PATZ1: variants seen among roughly 807,000 people sequenced by gnomAD.
The protein encoded by PATZ1 is POZ-, AT hook-, and zinc finger-containing protein 1.
PATZ1 carries 9 observed loss-of-function variants against 46.2 expected under a neutral mutation model. The observed-to-expected ratio is 0.19, with a 90% CI of 0.12 to 0.34. PATZ1 has a LOEUF of 0.34. PATZ1 is among the 10% of genes least tolerant of loss of function. The pLI, the probability that PATZ1 is intolerant of heterozygous loss-of-function variation, is 1.00. For synonymous variants in PATZ1, 426 were observed against 378.6 expected (o/e 1.13, Z -1.45); for missense variants, 632 against 923.0 (o/e 0.68, Z 4.08).
At position 31,325,837 on chromosome 22, in the gene PATZ1, G is replaced by A. The variant is rs1250036033; in HGVS notation, c.*1054C>T. ...TGTACTAACATTTTTAATACAGTCT[G>A]ATCAGATCAATTCACATCACAAGGT... On this transcript the variant is annotated 3_prime_UTR_variant, in exon 5 of 5. Transcript: ENST00000266269. The A allele has an allele frequency of 1.0e-5, 2 of 194,870 alleles. No homozygotes were observed. Among genetic ancestry groups the A allele is most frequent in the East Asian group, 1.6e-4 (2 of 12,450 alleles). 12.1% of individuals were successfully genotyped at this position (194,870 alleles called of 1,614,324 possible). A position where few individuals can be genotyped will look rare whatever the true frequency, so the allele number is the denominator to read the frequency against.
intron 3 of PATZ1, among the ~76,000 whole-genome samples, chr22:31,334,772 T>A (rs773398681): frequency 6.6e-6 from 1 of 152,130 alleles, no homozygotes; most frequent in African/African-American, 2.4e-5. Context: ...AGGCTGGGAC[T>A]AAACCCTGGG....
At chr22:31,338,819 C>T (rs1451459808) in intron 2 of PATZ1, among the ~76,000 whole-genome samples, 1 of 152,114 alleles carries the variant, frequency 6.6e-6, no homozygotes, top group Non-Finnish European at 1.5e-5. Flanking sequence ...GAGGCCGAGG[C>T]GGGTGGATCA....
intron 1 of PATZ1, chr22:31,343,213 C>T (rs2049605318): frequency 8.0e-7 from 1 of 1,244,952 alleles, no homozygotes; most frequent in Non-Finnish European, 1.0e-6. Context: ...CCCACTCCCT[C>T]AATTCTCCCC....
At position 31,327,496 on chromosome 22, in the gene PATZ1, G is replaced by A. The variant is rs142607510; in HGVS notation, c.1646-187C>T. On this transcript the variant is annotated intron_variant, in intron 4 of 4. Coordinates refer to ENST00000266269, the MANE Select transcript of PATZ1 (RefSeq NM_014323.3). The surrounding 1 kb of genome is among the most constrained non-coding windows in gnomAD (Gnocchi z 4.2). ...CCTGGAGTGCCTACAGGGGTGAAAC[G>A]GCAGGGCCCTAGGGCTGCCAGCCTC... Among the ~76,000 whole-genome samples the A allele has an allele frequency of 4.2e-3, 639 of 152,126 alleles. 5 individuals carry two copies. Among genetic ancestry groups the A allele is most frequent in the African/African-American group, 0.014 (595 of 41,502 alleles).
intron 1 of PATZ1, 121 bp downstream of exon 1, chr22:31,344,211 C>G (rs1035447267): frequency 1.1e-6 from 1 of 887,584 alleles, no homozygotes. Context: ...TCTACCCAAA[C>G]CTGGCATGGT....
At chr22:31,344,192 TAA>T in intron 1 of PATZ1, 138 bp downstream of exon 1, 1 of 783,346 alleles carries the variant, frequency 1.3e-6, no homozygotes, top group Non-Finnish European at 2.0e-6. Context: ...TAAGGGCCCT[TAA>T]AAACACTCTA....
intron 2 of PATZ1, among the ~76,000 whole-genome samples, chr22:31,338,825 G>T (rs919551802): frequency 1.3e-5 from 2 of 152,156 alleles, no homozygotes; most frequent in African/African-American, 4.8e-5. Context: ...GAGGCGGGTG[G>T]ATCACAATGT....
intron 2 of PATZ1, 81 bp downstream of exon 2, chr22:31,342,816 A>G: frequency 6.7e-7 from 1 of 1,502,332 alleles, no homozygotes; most frequent in East Asian, 2.3e-5. Context: ...CCCCCGGCAC[A>G]CGCAGCGGCT....
At chr22:31,341,371 C>T (rs749379454) in intron 2 of PATZ1, 3 of 1,519,980 alleles carry the variant, frequency 2.0e-6, no homozygotes, top group Non-Finnish European at 8.8e-7. Flanking sequence ...CTCCTGTTCC[C>T]TTCCACTGTC....
intron 1 of PATZ1, chr22:31,343,515 G>T: frequency 1.2e-6 from 1 of 853,968 alleles, no homozygotes; most frequent in Non-Finnish European, 1.4e-6. Context: ...CGGTAAGACT[G>T]GTTCCTGGTC....
Position 31,344,685 on chromosome 22 carries a change from C to T in PATZ1, c.918G>A (p.Arg306=). Residue 306 remains arginine, a synonymous_variant, in exon 1 of 5, where the codon CGG becomes CGA. Transcript: ENST00000266269. ...LCGKVFTDAN[R]LRQHEAQHGV... is the part of the protein sequence containing the mutation. ...CGTGCTGGGCCTCGTGCTGCCGGAGCCGGTTGGCATCAGTGAACACCTTAC... is the reference window on the plus strand; with the variant it reads ...CGTGCTGGGCCTCGTGCTGCCGGAGTCGGTTGGCATCAGTGAACACCTTAC... 6.2e-7 allele frequency: 1 copy of T among 1,613,888 alleles called. No individual in the cohort carries two copies. Among genetic ancestry groups the T allele is most frequent in the Non-Finnish European group, 8.5e-7 (1 of 1,179,988 alleles).
chr22:31,328,726 C>T lies in PATZ1; in HGVS notation c.1645+61G>A, dbSNP rs2049399031. On this transcript the variant is annotated intron_variant, in intron 4 of 4. Transcript: ENST00000266269. This position sits in a 1 kb window ranked among gnomAD's most constrained non-coding sequence, Gnocchi z 4.8. Reference sequence around the variant, plus strand: ...GCCTTCCCGCCTCCCCACGCCCAGCCCAGCGCCCCCACAACACAGTCTGCG... The same window carrying T: ...GCCTTCCCGCCTCCCCACGCCCAGCTCAGCGCCCCCACAACACAGTCTGCG... 6.5e-7 allele frequency: 1 copy of T among 1,547,288 alleles called. No individual in the cohort carries two copies. Among genetic ancestry groups the T allele is most frequent in the South Asian group, 1.1e-5 (1 of 89,546 alleles).
chr22:31,340,994 T>G, intron 2 of PATZ1: 1 of 1,073,858 alleles, frequency 9.3e-7, no homozygotes, highest in Non-Finnish European at 1.1e-6. Flanking sequence ...GGAGGCCGAC[T>G]CACTCGTGGA....
rs79279149 is a variant in PATZ1 at position 31,326,455 on chromosome 22, G to A, written c.*436C>T. The A allele has an allele frequency of 2.0e-3, 508 of 256,208 alleles. 4 individuals carry two copies. The highest frequency in any genetic ancestry group is 9.8e-3 in the African/African-American group (447 of 45,652). 15.9% of individuals were successfully genotyped at this position (256,208 alleles called of 1,614,324 possible). A position where few individuals can be genotyped will look rare whatever the true frequency, so the allele number is the denominator to read the frequency against. On this transcript the variant is annotated 3_prime_UTR_variant, in exon 5 of 5. Coordinates refer to ENST00000266269, the MANE Select transcript of PATZ1 (RefSeq NM_014323.3). ...ATTGTATAAGTAGGTGGAGACCCTA[G>A]TGTGGTTCTTTTGAAGGATATGGGA...
chr22:31,345,767 G>C lies in PATZ1; in HGVS notation c.-165C>G, dbSNP rs1382926881. ...CGCCGAGTGTACACGCCCCCAGCCC[G>C]GATCAGACTGTCTAGACTGCGGGGT... On this transcript the variant is annotated 5_prime_UTR_variant, in exon 1 of 5. Coordinates refer to ENST00000266269, the MANE Select transcript of PATZ1 (RefSeq NM_014323.3). The surrounding 1 kb of genome is among the most constrained non-coding windows in gnomAD (Gnocchi z 7.4). The C allele has an allele frequency of 4.4e-6, 3 of 679,332 alleles. No individual in the cohort carries two copies. Among genetic ancestry groups the C allele is most frequent in the Non-Finnish European group, 7.2e-6 (3 of 416,866 alleles). The allele number at this position is 679,332 out of a possible 1,614,324, so 42.1% of individuals were successfully genotyped here. A position where few individuals can be genotyped will look rare whatever the true frequency, so the allele number is the denominator to read the frequency against.
In PATZ1 at chr22:31,344,838, T is replaced by A; in HGVS notation, c.765A>T (p.Ala255=). Residue 255 remains alanine, a synonymous_variant, in exon 1 of 5, where the codon GCA becomes GCT. Transcript: ENST00000266269. The stretch of plus-strand genomic sequence containing the variant: ...TGCCAGTCAGGGGAGGGGCACTGGA[T>A]GCCACACTGGGGAATGGGGAAGTCA... ...QLLTSPFPSV[A]SSAPPLTGKR... 6.2e-7 allele frequency: 1 copy of A among 1,612,400 alleles called. No homozygotes were observed. The highest frequency in any genetic ancestry group is 8.5e-7 in the Non-Finnish European group (1 of 1,179,688).
chr22:31,335,777 C>G lies in PATZ1; in HGVS notation c.1422G>C (p.Gly474=). ...HEDKVPCQVC[G]KYLRAAYMAD... Reference sequence around the variant, plus strand: ...CCATGTATGCTGCCCGCAAGTACTTCCCACACACCTGGCAGGGCACCTTGT... The same window carrying G: ...CCATGTATGCTGCCCGCAAGTACTTGCCACACACCTGGCAGGGCACCTTGT... Residue 474 remains glycine, a synonymous_variant, in exon 3 of 5, where the codon GGG becomes GGC. Transcript: ENST00000266269. 6.2e-7 allele frequency: 1 copy of G among 1,614,136 alleles called. No homozygotes were observed. Among genetic ancestry groups the G allele is most frequent in the South Asian group, 1.1e-5 (1 of 91,084 alleles).
chr22:31,336,805 CAAAAAA>C (rs747328196), intron 2 of PATZ1, among the ~76,000 whole-genome samples: 7 of 64,522 alleles, frequency 1.1e-4, no homozygotes, highest in Admixed American at 1.7e-4. Context: ...GACTTCCTCT[CAAAAAA>C]AAAAAAAAAA....
At position 31,327,327 on chromosome 22, in the gene PATZ1, A is replaced by G. The variant is rs2049380709; in HGVS notation, c.1646-18T>C. On this transcript the variant is annotated intron_variant, in intron 4 of 4. Transcript: ENST00000266269. This position sits in a 1 kb window ranked among gnomAD's most constrained non-coding sequence, Gnocchi z 4.2. The stretch of plus-strand genomic sequence containing the variant: ...CTGGCCTTCTACGAAAAAACAAAAT[A>G]TAGGAGAGCGATGAGGCCAGGCTCT... 4.4e-6 allele frequency: 7 copies of G among 1,605,442 alleles called. No individual in the cohort carries two copies. Among genetic ancestry groups the G allele is most frequent in the Non-Finnish European group, 6.0e-6 (7 of 1,174,720 alleles).
Sources: gnomAD v4.1 joint callset for allele counts (sites outside exome capture counted in the v4.1 genomes callset) on GRCh38, gnomAD v4.1.1 for gene constraint, Gnocchi (gnomAD v3.1) non-coding constraint, MANE v1.5 for transcripts, NCBI Gene and HGNC (gene_info 2026-07-23, HGNC 2026-07-21) for gene names.